The following C10orf67 variants were observed in gnomAD, a reference collection of about 807,000 sequenced individuals.
C10orf67 encodes the protein uncharacterized protein C10orf67, mitochondrial.
In C10orf67, 60 loss-of-function variants were observed where a neutral mutation model predicts 35.6. That is an observed-to-expected ratio of 1.68 (90% CI 1.37 to 2.09). C10orf67 has a LOEUF of 2.09. C10orf67 is among the 30% of genes most tolerant of loss of function. The pLI is 0.00. For synonymous variants in C10orf67, 167 were observed against 115.8 expected, an observed-to-expected ratio of 1.44 and a Z score of -2.84; for missense variants, 474 against 330.2, an observed-to-expected ratio of 1.44 and a Z score of -3.38.
chr10:23,290,863 A>G (rs1215890599), intron 6 of C10orf67, among the ~76,000 whole-genome samples: 2 of 152,252 alleles, frequency 1.3e-5, no homozygotes, highest in African/African-American at 2.4e-5. Context: ...GAAATGGAGC[A>G]TTGATTAGCA....
intron 2 of C10orf67, among the ~76,000 whole-genome samples, 162 bp from the exon 3 acceptor site, chr10:23,322,699 G>C (rs1230739906): frequency 6.6e-6 from 1 of 152,096 alleles, no homozygotes; most frequent in Non-Finnish European, 1.5e-5. Context: ...AGCGGGAGGA[G>C]GGAGAGGATC....
At chr10:23,269,222 T>C (rs1289396266) in intron 8 of C10orf67, among the ~76,000 whole-genome samples, 1 of 152,112 alleles carries the variant, frequency 6.6e-6, no homozygotes, top group Non-Finnish European at 1.5e-5. Context: ...CTGGTATAAA[T>C]ATAAAACATA....
Position 23,279,852 on chromosome 10 carries a change from T to A in C10orf67, c.975+2161A>T, listed in dbSNP as rs1047802157. On this transcript the variant is annotated intron_variant, in intron 8 of 15. Coordinates refer to ENST00000636213, the MANE Select transcript of C10orf67 (RefSeq NM_001371909.1). ...ATATAATAAATAAATAAATAAATAT[T>A]TATCTATTTTTTTAAATAGACAGTG... 5.3e-5 allele frequency among the ~76,000 whole-genome samples: 8 copies of A among 150,884 alleles called. No individual in the cohort carries two copies. The East Asian group carries it at 1.2e-3, about 22-fold the overall frequency.
chr10:23,322,396 G>C lies in C10orf67; in HGVS notation c.469C>G (p.Gln157Glu). ...AAAAGAAATAAGAGAACATTTACCTGTTGATAATGCTTTTCAATTTCTAGG... is the reference window on the plus strand; with the variant it reads ...AAAAGAAATAAGAGAACATTTACCTCTTGATAATGCTTTTCAATTTCTAGG... ...RILEIEKHYQ[Q>E]NEDKMRKSFN... The change falls in exon 3 of 16, where the codon CAG becomes GAG. Residue 157 changes from glutamine (Q) to glutamate (E), a missense_variant and splice_region_variant. By Grantham distance (29) the Gln-to-Glu change is conservative. Transcript: ENST00000636213. The C allele has an allele frequency of 6.2e-7, 1 of 1,608,774 alleles. No individual in the cohort carries two copies. Among genetic ancestry groups the C allele is most frequent in the Non-Finnish European group, 8.5e-7 (1 of 1,175,694 alleles).
At chr10:23,319,386 T>C (rs1844859342) in intron 4 of C10orf67, among the ~76,000 whole-genome samples, 1 of 151,998 alleles carries the variant, frequency 6.6e-6, no homozygotes, top group African/African-American at 2.4e-5. Flanking sequence ...TGTACCACAT[T>C]TTTTTTTATC....
chr10:23,204,583 G>T lies in C10orf67; in HGVS notation c.1571-328C>A, dbSNP rs953893241. On this transcript the variant is annotated intron_variant, in intron 15 of 15. Transcript: ENST00000636213. ...AGTACTCAACATTCTACTTGAAGCC[G>T]TTGTAGCAGAATAAAAAAAGTGGGA... Among the ~76,000 whole-genome samples, 9 of 152,178 alleles carry T rather than the reference G, an allele frequency of 5.9e-5. No individual in the cohort carries two copies. The East Asian group carries it at 1.5e-3, about 26-fold the overall frequency.
chr10:23,323,946 T>C (rs374972886), intron 2 of C10orf67, among the ~76,000 whole-genome samples: 6,272 of 56,356 alleles, frequency 0.11, 1,319 homozygotes, highest in Middle Eastern at 0.13. Flanking sequence ...TATATATATA[T>C]ATATATACAC....
rs1353496668 is a variant in C10orf67 at position 23,204,183 on chromosome 10, G to T, written c.1643C>A (p.Thr548Asn). ...PSMRQSSPAETVD is the reference protein window; with the variant it reads ...PSMRQSSPAENVD ...CAGGCTTCTGCTGGGTTAATCAACA[G>T]TCTCTGCGGGGCTGCTCTGGCGCAT... The change falls in exon 16 of 16, where the codon ACT becomes AAT. Residue 548 changes from threonine (T) to asparagine (N), a missense_variant. Physicochemically the swap from Thr to Asn is moderately conservative, Grantham distance 65 (BLOSUM62 0). Transcript: ENST00000636213. The T allele has an allele frequency of 1.6e-6, 1 of 621,782 alleles. No homozygotes were observed. The highest frequency in any genetic ancestry group is 1.9e-5 in the African/African-American group (1 of 53,304). 38.5% of individuals were successfully genotyped at this position (621,782 alleles called of 1,614,324 possible).
intron 1 of C10orf67, among the ~76,000 whole-genome samples, chr10:23,343,490 G>A (rs568792029): frequency 2.0e-5 from 3 of 152,194 alleles, no homozygotes; most frequent in East Asian, 1.9e-4. Context: ...AGCCTATGTT[G>A]TTTTGTTACA....
chr10:23,257,908 A>G (rs1842646033), intron 10 of C10orf67, among the ~76,000 whole-genome samples: 1 of 152,102 alleles, frequency 6.6e-6, no homozygotes, highest in South Asian at 2.1e-4. Context: ...GTAGTCATAC[A>G]CATCCCCCCC....
chr10:23,342,989 G>A (rs1399621750), intron 1 of C10orf67, among the ~76,000 whole-genome samples: 1 of 152,220 alleles, frequency 6.6e-6, no homozygotes, highest in African/African-American at 2.4e-5. Flanking sequence ...CTACTGATTT[G>A]AAAAGGTTTT....
At chr10:23,335,550 G>T (rs1845647781) in intron 1 of C10orf67, among the ~76,000 whole-genome samples, 1 of 152,100 alleles carries the variant, frequency 6.6e-6, no homozygotes, top group African/African-American at 2.4e-5. Context: ...TGCAGTGGTG[G>T]TGGTTTCTAC....
At chr10:23,289,144 T>C (rs1843637273) in intron 7 of C10orf67, among the ~76,000 whole-genome samples, 1 of 152,056 alleles carries the variant, frequency 6.6e-6, no homozygotes. Flanking sequence ...AGAAATCTTG[T>C]TGTTGTGGGG....
chr10:23,314,602 A>G (rs1407223630), intron 4 of C10orf67, among the ~76,000 whole-genome samples: 1 of 151,906 alleles, frequency 6.6e-6, no homozygotes, highest in East Asian at 1.9e-4. Context: ...CAAGGCTGCA[A>G]TTAAGGTGGT....
chr10:23,220,222 G>A (rs1841542046), intron 15 of C10orf67, among the ~76,000 whole-genome samples: 2 of 152,100 alleles, frequency 1.3e-5, no homozygotes, highest in African/African-American at 4.8e-5. Context: ...TTAGCCTACT[G>A]TTTAGGGCAT....
At chr10:23,263,249 G>C (rs1162793043) in intron 10 of C10orf67, among the ~76,000 whole-genome samples, 1 of 152,176 alleles carries the variant, frequency 6.6e-6, no homozygotes, top group African/African-American at 2.4e-5. Context: ...TTCTCTCATA[G>C]AGCTTATCTT....
At chr10:23,277,394 A>G (rs1258858922) in intron 8 of C10orf67, among the ~76,000 whole-genome samples, 1 of 151,978 alleles carries the variant, frequency 6.6e-6, no homozygotes, top group Non-Finnish European at 1.5e-5. Flanking sequence ...CTCTACAAAA[A>G]ATAGAAAAAT....
At chr10:23,242,518 T>G (rs998970309) in intron 12 of C10orf67, among the ~76,000 whole-genome samples, 1 of 151,738 alleles carries the variant, frequency 6.6e-6, no homozygotes, top group Non-Finnish European at 1.5e-5. Context: ...CAACAAACAG[T>G]AAATGTGTGA....
intron 15 of C10orf67, among the ~76,000 whole-genome samples, chr10:23,214,729 C>G (rs1042210724): frequency 3.9e-5 from 6 of 152,008 alleles, no homozygotes; most frequent in Non-Finnish European, 7.4e-5. Context: ...TATAAAACAA[C>G]ATCAGGGAGA....
Sources: gnomAD v4.1 joint callset for allele counts (sites outside exome capture counted in the v4.1 genomes callset) on GRCh38, gnomAD v4.1.1 for gene constraint, MANE v1.5 for transcripts, NCBI Gene and HGNC (gene_info 2026-07-23, HGNC 2026-07-21) for gene names.